Variants in ASCC3 observed in about 807,000 individuals in gnomAD.
ASCC3 encodes the protein ASC-1 complex subunit P200.
Under a neutral mutation model 256.3 loss-of-function variants are expected in ASCC3, and 158 were observed. That is an observed-to-expected ratio of 0.62 (90% confidence interval 0.54 to 0.70). The LOEUF (loss-of-function observed/expected upper bound fraction) is 0.70. Among genes scored for constraint, ASCC3 ranks in the 30% least tolerant of loss-of-function variants. The probability of loss-of-function intolerance (pLI) is 0.00; values close to 1 mark genes in which losing one functional copy is unlikely to be tolerated. For missense variants in ASCC3, 2,259 were observed against 2,626.0 expected (o/e 0.86, Z 3.05); for synonymous variants, 948 against 883.4 (o/e 1.07, Z -1.30).
At chr6:100,858,547 T>C (rs1441376209) in intron 3 of ASCC3, 1 of 975,360 alleles carries the variant, frequency 1.0e-6, no homozygotes, top group African/African-American at 1.8e-5. Context: ...CATAAAATGC[T>C]TTTTCTCTAC....
At chr6:100,623,616 C>A (rs1774076773) in intron 30 of ASCC3, among the ~76,000 whole-genome samples, 1 of 152,098 alleles carries the variant, frequency 6.6e-6, no homozygotes, top group African/African-American at 2.4e-5. Context: ...CATGAGATTA[C>A]AAAGTGGGAA....
chr6:100,605,109 G>A (rs942096891), intron 33 of ASCC3, among the ~76,000 whole-genome samples: 2 of 152,068 alleles, frequency 1.3e-5, no homozygotes, highest in African/African-American at 4.8e-5. Context: ...CTGTACAACT[G>A]TACTATGAAA....
At chr6:100,675,795 C>A (rs953584968) in intron 14 of ASCC3, among the ~76,000 whole-genome samples, 1 of 152,026 alleles carries the variant, frequency 6.6e-6, no homozygotes, top group Non-Finnish European at 1.5e-5. Context: ...AAATCAGAAA[C>A]ATACGGTAAA....
At chr6:100,798,107 T>C (rs975073606) in intron 8 of ASCC3, among the ~76,000 whole-genome samples, 1 of 152,044 alleles carries the variant, frequency 6.6e-6, no homozygotes, top group Non-Finnish European at 1.5e-5. Context: ...AGAACATACA[T>C]GAAAAACCAC....
At chr6:100,636,195 C>T (rs1774835020) in intron 25 of ASCC3, among the ~76,000 whole-genome samples, 1 of 152,100 alleles carries the variant, frequency 6.6e-6, no homozygotes. Flanking sequence ...AAAAGCAATT[C>T]TATTGATTTT....
At chr6:100,759,416 T>C (rs899008238) in intron 10 of ASCC3, among the ~76,000 whole-genome samples, 4 of 152,352 alleles carry the variant, frequency 2.6e-5, no homozygotes, top group African/African-American at 9.6e-5. Context: ...AATTTTTGTA[T>C]AAGGTATACA....
chr6:100,573,341 A>T (rs1016102734), intron 36 of ASCC3, among the ~76,000 whole-genome samples: 14 of 152,266 alleles, frequency 9.2e-5, no homozygotes, highest in South Asian at 4.1e-4. Flanking sequence ...AATCACCATT[A>T]TTCATGGAGG....
intron 13 of ASCC3, among the ~76,000 whole-genome samples, chr6:100,696,527 G>A (rs1001933234): frequency 4.0e-5 from 6 of 151,884 alleles, no homozygotes; most frequent in African/African-American, 1.4e-4. Context: ...CAAATATCAG[G>A]TGGAAAGAAG....
At chr6:100,867,791 C>A in intron 2 of ASCC3, 117 bp downstream of exon 2, 3 of 910,008 alleles carry the variant, frequency 3.3e-6, no homozygotes, top group Non-Finnish European at 5.2e-6. Context: ...TTGCCTCACA[C>A]CAAACAAGAT....
In ASCC3 at chr6:100,840,355, C is replaced by T. The variant is rs150790002; in HGVS notation, c.801+7793G>A. Among the ~76,000 whole-genome samples, 1,048 of 151,928 alleles carry T rather than the reference C, an allele frequency of 6.9e-3. 13 individuals carry two copies. The highest frequency in any genetic ancestry group is 0.023 in the African/African-American group (971 of 41,458). On this transcript the variant is annotated intron_variant, in intron 4 of 41. Transcript: ENST00000369162. ...TCTTTTTGTTTTTGTTTTTGACAGG[C>T]GCTCACTCTGTCACCAGCCTGGAGG...
At chr6:100,703,789 T>G (rs141764191) in intron 13 of ASCC3, among the ~76,000 whole-genome samples, 1 of 151,916 alleles carries the variant, frequency 6.6e-6, no homozygotes, top group Non-Finnish European at 1.5e-5. Context: ...CCATAGAATG[T>G]CTATAACAAA....
At chr6:100,710,549 G>C (rs1347274466) in intron 13 of ASCC3, among the ~76,000 whole-genome samples, 1 of 152,136 alleles carries the variant, frequency 6.6e-6, no homozygotes, top group Non-Finnish European at 1.5e-5. Flanking sequence ...AAATAAAAGA[G>C]CTGGCAGTAA....
intron 14 of ASCC3, among the ~76,000 whole-genome samples, chr6:100,666,179 C>T (rs79853895): frequency 0.016 from 2,390 of 152,190 alleles, 24 homozygotes; most frequent in East Asian, 0.045. Flanking sequence ...TAGTATTCCA[C>T]GGTACTACAG....
intron 30 of ASCC3, among the ~76,000 whole-genome samples, chr6:100,609,569 A>G (rs1051648585): frequency 2.0e-5 from 3 of 152,164 alleles, no homozygotes; most frequent in African/African-American, 7.2e-5. Context: ...TATGGGAAGA[A>G]AAAGCAAATC....
At chr6:100,855,621 T>C (rs77265118) in intron 3 of ASCC3, among the ~76,000 whole-genome samples, 1,928 of 152,332 alleles carry the variant, frequency 0.013, 19 homozygotes, top group East Asian at 0.045. Context: ...AATGTTACCT[T>C]CTCTATGAAT....
At chr6:100,601,195 T>C (rs1455325305) in intron 34 of ASCC3, among the ~76,000 whole-genome samples, 2 of 152,106 alleles carry the variant, frequency 1.3e-5, no homozygotes, top group Non-Finnish European at 2.9e-5. Context: ...TAGGCTTGAA[T>C]ATCGTTCTAC....
intron 33 of ASCC3, 60 bp from the exon 34 acceptor site, chr6:100,601,995 T>C: frequency 6.4e-7 from 1 of 1,563,440 alleles, no homozygotes; most frequent in Non-Finnish European, 8.8e-7. Flanking sequence ...ACACTGAAAT[T>C]TATCTCACAT....
chr6:100,773,490 C>T (rs1782037096), intron 8 of ASCC3, among the ~76,000 whole-genome samples: 1 of 152,104 alleles, frequency 6.6e-6, no homozygotes, highest in Non-Finnish European at 1.5e-5. Context: ...TCTCCAATTC[C>T]CTAAACAATT....
At chr6:100,876,074 T>C (rs924893082) in intron 1 of ASCC3, among the ~76,000 whole-genome samples, 3 of 152,082 alleles carry the variant, frequency 2.0e-5, no homozygotes, top group African/African-American at 7.2e-5. Flanking sequence ...CTGTGACTGA[T>C]GGAGTAGGGT....
Sources: gnomAD v4.1 joint callset for allele counts (sites outside exome capture counted in the v4.1 genomes callset) on GRCh38, gnomAD v4.1.1 for gene constraint, MANE v1.5 for transcripts, NCBI Gene and HGNC (gene_info 2026-07-23, HGNC 2026-07-21) for gene names.